The following FAF1 variants were observed in gnomAD, a reference collection of about 807,000 sequenced individuals.
The protein encoded by FAF1 is Fas associated factor 1.
FAF1 carries 25 observed loss-of-function variants against 92.5 expected under a neutral mutation model. That is an observed-to-expected ratio of 0.27 (90% confidence interval 0.20 to 0.38). FAF1 has a LOEUF of 0.38. Ranked by LOEUF, FAF1 falls within the 10% of genes least tolerant of loss-of-function variation. The pLI is 1.00. For missense variants in FAF1, 636 were observed against 793.3 expected (o/e 0.80, Z 2.38); for synonymous variants, 234 against 273.2 (o/e 0.86, Z 1.42).
chr1:50,720,451 A>G (rs927132718), intron 6 of FAF1, among the ~76,000 whole-genome samples: 3 of 152,272 alleles, frequency 2.0e-5, no homozygotes, highest in African/African-American at 7.2e-5. Flanking sequence ...TAAGAATAAT[A>G]TATCAAATCA....
intron 7 of FAF1, among the ~76,000 whole-genome samples, chr1:50,702,716 C>T (rs930092050): frequency 2.0e-5 from 3 of 152,206 alleles, no homozygotes; most frequent in South Asian, 2.1e-4. Context: ...ACACAAGTCA[C>T]GCATTGTGAG....
intron 1 of FAF1, among the ~76,000 whole-genome samples, chr1:50,927,461 A>G (rs1036122003): frequency 3.3e-5 from 5 of 152,160 alleles, no homozygotes; most frequent in Non-Finnish European, 5.9e-5. Context: ...ATGTGCCTGT[A>G]GTCCCAGCTA....
chr1:50,841,944 A>G (rs1644259538), intron 2 of FAF1, among the ~76,000 whole-genome samples: 2 of 152,162 alleles, frequency 1.3e-5, no homozygotes, highest in South Asian at 4.1e-4. Flanking sequence ...CTGGACTGTT[A>G]TACTTCCTGA....
At chr1:50,740,562 G>A (rs1039081663) in intron 5 of FAF1, among the ~76,000 whole-genome samples, 3 of 151,970 alleles carry the variant, frequency 2.0e-5, no homozygotes, top group East Asian at 1.9e-4. Context: ...ACACTCTGGC[G>A]TTTCCTATTG....
At chr1:50,595,945 G>A (rs191524341) in intron 9 of FAF1, among the ~76,000 whole-genome samples, 176 bp downstream of exon 9, 32 of 152,246 alleles carry the variant, frequency 2.1e-4, no homozygotes, top group African/African-American at 6.3e-4. Context: ...GCGAGAAGGA[G>A]CACATTAGTA....
At chr1:50,452,825 C>T (rs1193160536) in intron 18 of FAF1, among the ~76,000 whole-genome samples, 5 of 152,204 alleles carry the variant, frequency 3.3e-5, no homozygotes, top group Non-Finnish European at 7.3e-5. Flanking sequence ...TGCATGTGTG[C>T]TCTTGAGTAA....
intron 9 of FAF1, among the ~76,000 whole-genome samples, chr1:50,594,314 C>CAAA (rs57900829): frequency 1.5e-4 from 12 of 81,242 alleles, no homozygotes; most frequent in Non-Finnish European, 2.9e-4. Flanking sequence ...GATCCTGTCT[C>CAAA]AAAAAAAAAA....
chr1:50,769,481 G>C (rs905611206), intron 4 of FAF1, among the ~76,000 whole-genome samples: 9 of 152,046 alleles, frequency 5.9e-5, no homozygotes, highest in Admixed American at 2.6e-4. Flanking sequence ...ACCTGGCAGA[G>C]ACACAACAAA....
chr1:50,812,325 C>T (rs1643923623), intron 2 of FAF1, among the ~76,000 whole-genome samples: 1 of 151,952 alleles, frequency 6.6e-6, no homozygotes, highest in Non-Finnish European at 1.5e-5. Flanking sequence ...ATATACGTAT[C>T]CAAAAAAGGT....
At chr1:50,793,227 C>T (rs1273119870) in intron 3 of FAF1, among the ~76,000 whole-genome samples, 1 of 152,054 alleles carries the variant, frequency 6.6e-6, no homozygotes, top group Non-Finnish European at 1.5e-5. Flanking sequence ...GGCATGGTCC[C>T]CTAAAACACA....
chr1:50,483,319 G>C (rs1436316611), intron 17 of FAF1, among the ~76,000 whole-genome samples: 2 of 152,024 alleles, frequency 1.3e-5, no homozygotes, highest in Non-Finnish European at 2.9e-5. Flanking sequence ...CCATATATGT[G>C]TGGGTCTATT....
intron 6 of FAF1, among the ~76,000 whole-genome samples, chr1:50,738,153 A>C (rs1199568314): frequency 6.6e-6 from 1 of 152,106 alleles, no homozygotes; most frequent in Non-Finnish European, 1.5e-5. Context: ...CTTAATAAAA[A>C]ATTTACATCA....
chr1:50,646,880 C>G (rs1439387672), intron 8 of FAF1, among the ~76,000 whole-genome samples: 1 of 152,208 alleles, frequency 6.6e-6, no homozygotes, highest in East Asian at 1.9e-4. Flanking sequence ...TAGTCTCGCT[C>G]TGTTACCCAG....
intron 1 of FAF1, among the ~76,000 whole-genome samples, chr1:50,917,249 A>T (rs1644924871): frequency 6.6e-6 from 1 of 152,208 alleles, no homozygotes; most frequent in Non-Finnish European, 1.5e-5. Context: ...GATACACTGC[A>T]ATCATCTATT....
At chr1:50,743,848 G>A (rs1324256643) in intron 5 of FAF1, among the ~76,000 whole-genome samples, 3 of 151,076 alleles carry the variant, frequency 2.0e-5, no homozygotes, top group African/African-American at 4.9e-5. Context: ...CGAGGCAGGT[G>A]GATCACAAGG....
At chr1:50,778,786 C>T (rs1461999381) in intron 4 of FAF1, among the ~76,000 whole-genome samples, 5 of 151,960 alleles carry the variant, frequency 3.3e-5, no homozygotes, top group African/African-American at 1.2e-4. Context: ...TGCCACTGCA[C>T]TTCAGCCTGA....
chr1:50,594,949 C>T (rs917791520), intron 9 of FAF1, among the ~76,000 whole-genome samples: 9 of 151,260 alleles, frequency 6.0e-5, no homozygotes, highest in African/African-American at 9.7e-5. Context: ...CACAAACAAA[C>T]GTGTTCAATC....
chr1:50,457,724 C>T (rs1249507779), intron 18 of FAF1, among the ~76,000 whole-genome samples: 2 of 56,568 alleles, frequency 3.5e-5, no homozygotes, highest in African/African-American at 1.9e-4. Context: ...CCCATCTCTG[C>T]AAAAAAAAAA....
chr1:50,521,342 A>C (rs1220411016), intron 15 of FAF1, among the ~76,000 whole-genome samples: 1 of 152,216 alleles, frequency 6.6e-6, no homozygotes, highest in Admixed American at 6.5e-5. Flanking sequence ...ATTCATGAGG[A>C]ATATGACTGT....
Sources: allele counts gnomAD v4.1 joint callset (sites outside exome capture counted in the v4.1 genomes callset), GRCh38; gene constraint gnomAD v4.1.1; transcripts MANE v1.5; gene names NCBI Gene and HGNC (gene_info 2026-07-23, HGNC 2026-07-21).